The following SORCS2 variants were observed in gnomAD, a reference collection of about 807,000 sequenced individuals.
The protein encoded by SORCS2 is VPS10 domain-containing receptor SorCS2.
Under a neutral mutation model 141.6 loss-of-function variants are expected in SORCS2, and 100 were observed. The observed-to-expected ratio is 0.71, with a 90% CI of 0.60 to 0.83. The LOEUF is 0.83. Ranked by LOEUF, SORCS2 falls within the 40% of genes least tolerant of loss-of-function variation. SORCS2 has a pLI of 0.00. For missense variants in SORCS2, 1,646 were observed against 1,560.2 expected (o/e 1.05, Z -0.93); for synonymous variants, 789 against 676.9 (o/e 1.17, Z -2.57).
At chr4:7,278,346 G>A (rs73799448) in intron 1 of SORCS2, among the ~76,000 whole-genome samples, 16 of 152,080 alleles carry the variant, frequency 1.1e-4, no homozygotes, top group South Asian at 2.1e-4. Context: ...CGGGGTCTTC[G>A]TTCTTCTTCA....
chr4:7,735,236 G>A (rs1381307733), intron 25 of SORCS2, among the ~76,000 whole-genome samples: 4 of 152,240 alleles, frequency 2.6e-5, no homozygotes, highest in Non-Finnish European at 4.4e-5. Context: ...TCACCCTTGA[G>A]GATCATCAAA....
chr4:7,340,254 A>C (rs1352710919), intron 1 of SORCS2, among the ~76,000 whole-genome samples: 1 of 152,240 alleles, frequency 6.6e-6, no homozygotes, highest in African/African-American at 2.4e-5. Flanking sequence ...CACTCCGCTG[A>C]CCATGGCCCT....
intron 2 of SORCS2, among the ~76,000 whole-genome samples, chr4:7,468,377 C>T (rs61733512): frequency 0.011 from 1,644 of 152,354 alleles, 21 homozygotes; most frequent in African/African-American, 0.038. Context: ...CACGCTATGT[C>T]TCCATCCTCG....
At chr4:7,379,690 C>A (rs1722870182) in intron 1 of SORCS2, among the ~76,000 whole-genome samples, 1 of 152,104 alleles carries the variant, frequency 6.6e-6, no homozygotes, top group Non-Finnish European at 1.5e-5. Flanking sequence ...CCTTCCAGAC[C>A]CTGTGGCTTT....
rs114114854 is a variant in SORCS2, at chr4:7,734,297, C to T, written c.3234C>T (p.Gly1078=). The change falls in exon 25 of 27, where the codon GGC becomes GGT. Residue 1078 remains glycine, a synonymous_variant. Coordinates refer to ENST00000507866, the MANE Select transcript of SORCS2 (RefSeq NM_020777.3). The part of the protein sequence containing the change: ...GTGAEQLGGG[G]GYWAVVVLFV... ...GTGCTGAGCAGCTGGGCGGCGGTGG[C>T]GGCTACTGGGCGGTAGTGGTGCTGT... The T allele has an allele frequency of 4.9e-3, 7,914 of 1,602,458 alleles. 363 individuals carry two copies. In the African/African-American group the frequency reaches 0.092, roughly 19 times the overall value.
chr4:7,378,839 C>A (rs1376853192), intron 1 of SORCS2, among the ~76,000 whole-genome samples: 1 of 152,210 alleles, frequency 6.6e-6, no homozygotes, highest in African/African-American at 2.4e-5. Context: ...CAGGTCCAGG[C>A]CCATTCTGTG....
chr4:7,335,092 A>G (rs978412482), intron 1 of SORCS2, among the ~76,000 whole-genome samples: 2 of 152,032 alleles, frequency 1.3e-5, no homozygotes, highest in Non-Finnish European at 2.9e-5. Context: ...GTGTCCCTTC[A>G]GCTCCCATTC....
intron 1 of SORCS2, among the ~76,000 whole-genome samples, chr4:7,210,286 A>T (rs1434251315): frequency 3.3e-5 from 5 of 151,806 alleles, no homozygotes; most frequent in African/African-American, 1.2e-4. Flanking sequence ...CCTTATTATC[A>T]CCATTATTTA....
At chr4:7,601,828 T>G (rs913247095) in intron 3 of SORCS2, among the ~76,000 whole-genome samples, 2 of 152,122 alleles carry the variant, frequency 1.3e-5, no homozygotes, top group African/African-American at 4.8e-5. Flanking sequence ...CCTTCCGCAG[T>G]GTTTGTGTCC....
chr4:7,373,478 A>ATATATATT (rs1470691140), intron 1 of SORCS2, among the ~76,000 whole-genome samples: 1 of 36,824 alleles, frequency 2.7e-5, no homozygotes, highest in Non-Finnish European at 4.1e-5. Context: ...ATATATATAT[A>ATATATATT]TTTTTTTTTT....
Position 7,718,172 on chromosome 4 carries a change from C to G in SORCS2, c.2413C>G (p.Arg805Gly). Residue 805 changes from arginine (R) to glycine (G), a missense_variant, in exon 18 of 27, where the codon CGG becomes GGG. Coordinates refer to ENST00000507866, the MANE Select transcript of SORCS2 (RefSeq NM_020777.3). ...TGGAGAGGACGTCCTGTTTGTGGTG[C>G]GGCAGGAGCAGGTGAGTGAGCACCT... ...RPGEDVLFVVRQEQGDVLTTK... is the reference protein window; with the variant it reads ...RPGEDVLFVVGQEQGDVLTTK... The G allele has an allele frequency of 6.2e-7, 1 of 1,610,058 alleles. No individual in the cohort carries two copies. Among genetic ancestry groups the G allele is most frequent in the South Asian group, 1.1e-5 (1 of 90,646 alleles).
intron 2 of SORCS2, among the ~76,000 whole-genome samples, chr4:7,499,743 C>T (rs1577663139): frequency 1.7e-5 from 2 of 117,474 alleles, no homozygotes; most frequent in African/African-American, 6.8e-5. Flanking sequence ...GCTCCTCAAA[C>T]GCTGGCATCT....
chr4:7,740,330 G>C lies in SORCS2; in HGVS notation c.*66G>C. 1 of 1,456,850 alleles carries C rather than the reference G, an allele frequency of 6.9e-7. No individual in the cohort carries two copies. Among genetic ancestry groups the C allele is most frequent in the East Asian group, 2.4e-5 (1 of 42,226 alleles). 90.2% of individuals were successfully genotyped at this position (1,456,850 alleles called of 1,614,324 possible). A position where few individuals can be genotyped will look rare whatever the true frequency, so the allele number is the denominator to read the frequency against. ...GAACCACCAGCAAAGCCGGCGGCTG[G>C]ACTGGCGCCCCTCAGAGACCTGCGG... On this transcript the variant is annotated 3_prime_UTR_variant, in exon 27 of 27. Transcript: ENST00000507866.
rs753310980 is a variant in SORCS2, at chr4:7,664,473, TA to T, written c.1071+4del. 2 of 1,598,768 alleles carry T rather than the reference TA, an allele frequency of 1.3e-6. No individual in the cohort carries two copies. Among genetic ancestry groups the T allele is most frequent in the Non-Finnish European group, 1.7e-6 (2 of 1,169,506 alleles). The stretch of plus-strand genomic sequence containing the variant: ...CAGGACGATTACATCTTCTTTAAGG[TA>T]AGGTTGCTTCTGGGGCTTTTGGAAA... On this transcript the variant is annotated splice_donor_region_variant and intron_variant, in intron 7 of 26. Transcript: ENST00000507866. The surrounding 1 kb of genome is among the most constrained non-coding windows in gnomAD (Gnocchi z 4.7).
In SORCS2 at chr4:7,729,708, A is replaced by T. The variant is rs1711523798; in HGVS notation, c.3104A>T (p.Asp1035Val). 1.2e-6 allele frequency: 2 copies of T among 1,611,222 alleles called. No homozygotes were observed. The highest frequency in any genetic ancestry group is 1.7e-6 in the Non-Finnish European group (2 of 1,178,838). The change falls in exon 23 of 27, where the codon GAT becomes GTT. Residue 1035 changes from aspartate to valine, a missense_variant. Coordinates refer to ENST00000507866, the MANE Select transcript of SORCS2 (RefSeq NM_020777.3). ...RPTRKRSLSS[D>V]KRLAAIQQVL... ...ACAAGGAAGAGGAGCCTCTCGAGTG[A>T]TAAGGTATGTCCTGTGGCCGCTGCA... is the stretch of plus-strand genomic sequence containing the variant.
At chr4:7,501,099 T>C (rs979185108) in intron 2 of SORCS2, among the ~76,000 whole-genome samples, 1 of 152,234 alleles carries the variant, frequency 6.6e-6, no homozygotes, top group Non-Finnish European at 1.5e-5. Flanking sequence ...CTCAGGGTGC[T>C]GACCTGTGAA....
At chr4:7,550,130 G>A (rs79363015) in intron 3 of SORCS2, among the ~76,000 whole-genome samples, 11 of 61,880 alleles carry the variant, frequency 1.8e-4, no homozygotes, top group Non-Finnish European at 2.7e-4. Context: ...GTGTATGTGT[G>A]TATGTGTGTG....
At chr4:7,571,808 A>G (rs1715417127) in intron 3 of SORCS2, among the ~76,000 whole-genome samples, 1 of 152,234 alleles carries the variant, frequency 6.6e-6, no homozygotes, top group Non-Finnish European at 1.5e-5. Context: ...GGTGATTATC[A>G]TCAGCGATGA....
At chr4:7,490,637 A>T (rs1260845124) in intron 2 of SORCS2, among the ~76,000 whole-genome samples, 1 of 152,142 alleles carries the variant, frequency 6.6e-6, no homozygotes, top group Non-Finnish European at 1.5e-5. Context: ...GGCTCCTCAG[A>T]TAGCTCAGTT....
Sources: gnomAD v4.1 joint callset for allele counts (sites outside exome capture counted in the v4.1 genomes callset) on GRCh38, gnomAD v4.1.1 for gene constraint, Gnocchi (gnomAD v3.1) non-coding constraint, MANE v1.5 for transcripts, NCBI Gene and HGNC (gene_info 2026-07-23, HGNC 2026-07-21) for gene names.